Variants in NUP133 observed in about 807,000 individuals in gnomAD.
NUP133 encodes nucleoporin 133.
Under a neutral mutation model 146.2 loss-of-function variants are expected in NUP133, and 66 were observed. That is an observed-to-expected ratio of 0.45 (90% CI 0.37 to 0.55). The LOEUF (loss-of-function observed/expected upper bound fraction) is 0.55. NUP133 is among the 20% of genes least tolerant of loss of function. The pLI, the probability that NUP133 is intolerant of heterozygous loss-of-function variation, is 0.00. For synonymous variants in NUP133, 521 were observed against 498.8 expected (o/e 1.04, Z -0.59); for missense variants, 1,277 against 1,374.8 (o/e 0.93, Z 1.12).
At chr1:229,470,049 A>C (rs140746927) in intron 15 of NUP133, among the ~76,000 whole-genome samples, 33 of 152,304 alleles carry the variant, frequency 2.2e-4, no homozygotes, top group African/African-American at 7.9e-4. Context: ...AAAAGAGTAG[A>C]TCGAGAGAGA....
At chr1:229,459,227 T>TA (rs968152347) in intron 20 of NUP133, among the ~76,000 whole-genome samples, 64 of 152,164 alleles carry the variant, frequency 4.2e-4, no homozygotes, top group African/African-American at 1.4e-3. Flanking sequence ...GCAATGTATA[T>TA]AAAAAATGTT....
At chr1:229,453,843 C>T (rs562433544) in intron 21 of NUP133, among the ~76,000 whole-genome samples, 3 of 152,198 alleles carry the variant, frequency 2.0e-5, no homozygotes, top group Admixed American at 6.5e-5. Flanking sequence ...TTATAACAGA[C>T]CTGTGTATGT....
chr1:229,496,433 C>T (rs950348313), intron 6 of NUP133, among the ~76,000 whole-genome samples: 2 of 152,156 alleles, frequency 1.3e-5, no homozygotes, highest in Non-Finnish European at 2.9e-5. Context: ...GAGATCGCAC[C>T]ACTGCACTCT....
At position 229,500,837 on chromosome 1, in the gene NUP133, C is replaced by A; in HGVS notation, c.432G>T (p.Leu144=). The A allele has an allele frequency of 6.2e-7, 1 of 1,612,566 alleles. No individual in the cohort carries two copies. The highest frequency in any genetic ancestry group is 8.5e-7 in the Non-Finnish European group (1 of 1,179,062). Residue 144 remains leucine, a synonymous_variant, in exon 4 of 26, where the codon CTG becomes CTT. Coordinates refer to ENST00000261396, the MANE Select transcript of NUP133 (RefSeq NM_018230.3). The part of the protein sequence containing the change: ...TKLSVCKELQ[L]PPSDFHWSAD... ...CACTCCAGTGGAAATCACTAGGTGG[C>A]AGCTGAAGTTCTTTGCAAACGGATA...
rs1354812023 is a variant in NUP133, at chr1:229,452,548, A to C, written c.3076T>G (p.Leu1026Val). The change falls in exon 22 of 26, where the codon TTG (leucine) becomes GTG (valine). Residue 1026 changes from leucine (L) to valine (V), a missense_variant. Coordinates refer to ENST00000261396, the MANE Select transcript of NUP133 (RefSeq NM_018230.3). ...ACACCAATGAGTTGTGGTGCAGTCA[A>C]TACTGGCATCGCACTGAGATTTAGC... ...KQLNLSAMPV[L>V]TAPQLIGLYI... is the part of the protein sequence containing the mutation. 1.2e-6 allele frequency: 2 copies of C among 1,613,840 alleles called. No individual in the cohort carries two copies. The highest frequency in any genetic ancestry group is 2.2e-5 in the East Asian group (1 of 44,882).
chr1:229,449,864 T>C lies in NUP133; in HGVS notation c.3180+661A>G, dbSNP rs796656562. Among the ~76,000 whole-genome samples the C allele has an allele frequency of 2.3e-4, 24 of 103,454 alleles. No homozygotes were observed. In the East Asian group the frequency reaches 4.9e-3, roughly 21 times the overall value. 67.9% of individuals were successfully genotyped at this position (103,454 alleles called of 152,430 possible). A position where few individuals can be genotyped will look rare whatever the true frequency, so the allele number is the denominator to read the frequency against. On this transcript the variant is annotated intron_variant, in intron 23 of 25. Coordinates refer to ENST00000261396, the MANE Select transcript of NUP133 (RefSeq NM_018230.3). The stretch of plus-strand genomic sequence containing the variant: ...ACTATGAAGATTTTATATATATATA[T>C]ATATATATATTTTTTTTTTTTTTTT...
intron 9 of NUP133, 65 bp downstream of exon 9, chr1:229,489,890 C>T (rs1571933293): frequency 2.2e-6 from 3 of 1,393,336 alleles, no homozygotes; most frequent in Non-Finnish European, 9.6e-7. Flanking sequence ...TAAATAAGAC[C>T]CTGAAATGGT....
intron 15 of NUP133, among the ~76,000 whole-genome samples, chr1:229,470,371 ACTT>A (rs956048533): frequency 3.9e-5 from 6 of 152,154 alleles, no homozygotes; most frequent in African/African-American, 1.4e-4. Flanking sequence ...AACAGGGAGC[ACTT>A]CTTAGTCAAC....
At position 229,486,447 on chromosome 1, in the gene NUP133, G is replaced by C; in HGVS notation, c.1424C>G (p.Ser475Ter). ...SRNSGLVSIT[S>*]RENVSILAED... ...TGCCAATATAGACACATTTTCCCTT[G>C]AAGTAATAGACACCAGTCCACTGTT... Residue 475 changes from serine (S) to a stop codon, truncating the protein, a stop_gained, in exon 11 of 26, where the codon TCA (serine) becomes TGA (stop). Coordinates refer to ENST00000261396, the MANE Select transcript of NUP133 (RefSeq NM_018230.3). LOFTEE classifies it high-confidence loss of function. 6.2e-7 allele frequency: 1 copy of C among 1,610,506 alleles called. No homozygotes were observed. Among genetic ancestry groups the C allele is most frequent in the East Asian group, 2.2e-5 (1 of 44,642 alleles).
intron 21 of NUP133, among the ~76,000 whole-genome samples, chr1:229,452,927 G>C (rs1660487685): frequency 6.6e-6 from 1 of 152,162 alleles, no homozygotes; most frequent in South Asian, 2.1e-4. Flanking sequence ...GCTTGAAGAA[G>C]TTGGAGAGCA....
At chr1:229,473,599 A>G in intron 14 of NUP133, among the ~76,000 whole-genome samples, 2 of 152,258 alleles carry the variant, frequency 1.3e-5, no homozygotes, top group Middle Eastern at 6.8e-3. Flanking sequence ...TCCTCTTCCA[A>G]TGAGAATGAC....
At chr1:229,443,901 T>C (rs1453702440) in intron 25 of NUP133, among the ~76,000 whole-genome samples, 1 of 135,860 alleles carries the variant, frequency 7.4e-6, no homozygotes, top group Admixed American at 7.4e-5. Flanking sequence ...ACTCTTTTTT[T>C]TTTTTTTTTT....
At position 229,443,892 on chromosome 1, in the gene NUP133, CTCTT is replaced by C. The variant is rs1453541900; in HGVS notation, c.3334+1018_3334+1021del. 2.3e-3 allele frequency among the ~76,000 whole-genome samples: 319 copies of C among 138,488 alleles called. 2 individuals are homozygous for C. Among genetic ancestry groups the C allele is most frequent in the East Asian group, 0.017 (84 of 4,804 alleles). The allele number at this position is 138,488 out of a possible 152,430, so 90.9% of individuals were successfully genotyped here. A position where few individuals can be genotyped will look rare whatever the true frequency, so the allele number is the denominator to read the frequency against. On this transcript the variant is annotated intron_variant, in intron 25 of 25. Coordinates refer to ENST00000261396, the MANE Select transcript of NUP133 (RefSeq NM_018230.3). The stretch of plus-strand genomic sequence containing the variant: ...CACAGGCATGCACCCCTGTGCTCAA[CTCTT>C]TTTTTTTTTTTTTTTTTTTTTTAAA...
rs540522823 is a variant in NUP133 at position 229,444,828 on chromosome 1, C to G, written c.3334+86G>C. Reference sequence around the variant, plus strand: ...TACCACTGCACTCCAGCCTGAGTGACAGAGCAAGACTCCGTCTCAAAAAAA... The same window carrying G: ...TACCACTGCACTCCAGCCTGAGTGAGAGAGCAAGACTCCGTCTCAAAAAAA... On this transcript the variant is annotated intron_variant, in intron 25 of 25. Transcript: ENST00000261396. 3 of 836,496 alleles carry G rather than the reference C, an allele frequency of 3.6e-6. No homozygotes were observed. The South Asian group carries it at 4.8e-5, about 13-fold the overall frequency. The allele number at this position is 836,496 out of a possible 1,614,324, so 51.8% of individuals were successfully genotyped here. A position where few individuals can be genotyped will look rare whatever the true frequency, so the allele number is the denominator to read the frequency against.
At chr1:229,470,519 T>C in intron 15 of NUP133, 61 bp downstream of exon 15, 1 of 1,355,898 alleles carries the variant, frequency 7.4e-7, no homozygotes, top group Non-Finnish European at 1.1e-6. Flanking sequence ...CTTTCCTGCC[T>C]AGGGCATGAT....
rs138668311 is a variant in NUP133, at chr1:229,447,111, T to G, written c.3245+2015A>C. On this transcript the variant is annotated intron_variant, in intron 24 of 25. Coordinates refer to ENST00000261396, the MANE Select transcript of NUP133 (RefSeq NM_018230.3). Reference sequence around the variant, plus strand: ...TGCACTCCAGCCTGGGCAACAAGAGTGAAACTCCATCACAAAAAAAGAAAG... The same window carrying G: ...TGCACTCCAGCCTGGGCAACAAGAGGGAAACTCCATCACAAAAAAAGAAAG... Among the ~76,000 whole-genome samples, 108 of 152,010 alleles carry G rather than the reference T, an allele frequency of 7.1e-4. 1 individual carries two copies. The East Asian group carries it at 0.021, about 29-fold the overall frequency.
intron 14 of NUP133, 87 bp from the exon 15 acceptor site, chr1:229,470,891 G>T: frequency 8.4e-7 from 1 of 1,196,238 alleles, no homozygotes; most frequent in Non-Finnish European, 1.2e-6. Context: ...GAAGCACCCT[G>T]GGCAGTCACT....
intron 21 of NUP133, among the ~76,000 whole-genome samples, chr1:229,454,090 A>C (rs1434567459): frequency 6.6e-6 from 1 of 152,174 alleles, no homozygotes; most frequent in Non-Finnish European, 1.5e-5. Context: ...TCATTCGCAA[A>C]TGGAAATGAT....
At chr1:229,495,191 C>T (rs1182630789) in intron 8 of NUP133, among the ~76,000 whole-genome samples, 1 of 152,048 alleles carries the variant, frequency 6.6e-6, no homozygotes, top group Non-Finnish European at 1.5e-5. Context: ...GAGTTCAAGA[C>T]CAATCTGGGC....
Sources: allele counts gnomAD v4.1 joint callset (sites outside exome capture counted in the v4.1 genomes callset), GRCh38; gene constraint gnomAD v4.1.1; transcripts MANE v1.5; gene names NCBI Gene and HGNC (gene_info 2026-07-23, HGNC 2026-07-21).